DENR: variants seen among roughly 807,000 people sequenced by gnomAD.
The protein encoded by DENR is density regulated re-initiation and release factor, also known as density-regulated protein.
DENR carries 6 observed loss-of-function variants against 30.6 expected under a neutral mutation model. The ratio of observed to expected loss-of-function variants is 0.20; its 90% confidence interval spans 0.11 to 0.39. The LOEUF (loss-of-function observed/expected upper bound fraction) is 0.39. Ranked by LOEUF, DENR falls within the 10% of genes least tolerant of loss-of-function variation. The pLI, the probability that DENR is intolerant of heterozygous loss-of-function variation, is 1.00. For missense variants in DENR, 141 were observed against 230.9 expected, an observed-to-expected ratio of 0.61 and a Z score of 2.52; for synonymous variants, 78 against 72.1, an observed-to-expected ratio of 1.08 and a Z score of -0.41.
At chr12:122,753,843 C>A in intron 2 of DENR, 36 bp downstream of exon 2, 1 of 1,494,286 alleles carries the variant, frequency 6.7e-7, no homozygotes, top group Non-Finnish European at 9.3e-7. Flanking sequence ...CTTTTACTCA[C>A]TATACTTTTA....
At position 122,752,904 on chromosome 12, in the gene DENR, G is replaced by A. The variant is rs1391168670; in HGVS notation, c.-56G>A. The A allele has an allele frequency of 1.3e-5, 2 of 152,556 alleles. No homozygotes were observed. Among genetic ancestry groups the A allele is most frequent in the Admixed American group, 6.5e-5 (1 of 15,300 alleles). 9.5% of individuals were successfully genotyped at this position (152,556 alleles called of 1,614,324 possible). A position where few individuals can be genotyped will look rare whatever the true frequency, so the allele number is the denominator to read the frequency against. On this transcript the variant is annotated 5_prime_UTR_variant, in exon 1 of 8. It introduces an in-frame stop codon into an upstream open reading frame of the 5' UTR. Coordinates refer to ENST00000280557, the MANE Select transcript of DENR (RefSeq NM_003677.5). ...CGAGTTGCATGTGTTGGTTCAGCTG[G>A]CGATAGCGGCGGGAGCGGAGCCGGC...
At chr12:122,757,570 A>AT (rs1238172332) in intron 2 of DENR, among the ~76,000 whole-genome samples, 27 of 152,230 alleles carry the variant, frequency 1.8e-4, no homozygotes, top group African/African-American at 6.0e-4. Context: ...TCTCAATTGT[A>AT]TAAGTGGTGG....
intron 5 of DENR, among the ~76,000 whole-genome samples, chr12:122,766,154 T>C (rs1484741887): frequency 6.6e-6 from 1 of 152,158 alleles, no homozygotes; most frequent in Non-Finnish European, 1.5e-5. Flanking sequence ...CTATCCCCGC[T>C]TCTGTTCTGT....
chr12:122,756,375 G>A (rs1263779273), intron 2 of DENR, among the ~76,000 whole-genome samples: 2 of 152,184 alleles, frequency 1.3e-5, no homozygotes, highest in Admixed American at 1.3e-4. Flanking sequence ...CTTAAACCTG[G>A]GAGGCGGAGA....
chr12:122,758,316 C>T (rs1384246389), intron 2 of DENR, among the ~76,000 whole-genome samples: 6 of 152,132 alleles, frequency 3.9e-5, no homozygotes, highest in African/African-American at 1.4e-4. Context: ...GTGATCCACC[C>T]GCCTCGGCCT....
intron 2 of DENR, among the ~76,000 whole-genome samples, chr12:122,758,856 T>A (rs1273665874): frequency 8.4e-5 from 12 of 142,390 alleles, no homozygotes; most frequent in Middle Eastern, 3.5e-3. Flanking sequence ...ATTTATTTAT[T>A]TTTTTTTTGA....
At chr12:122,760,156 G>T (rs1308471632) in intron 2 of DENR, among the ~76,000 whole-genome samples, 1 of 152,198 alleles carries the variant, frequency 6.6e-6, no homozygotes, top group Admixed American at 6.5e-5. Flanking sequence ...GTGGTTAATA[G>T]CATGAGCGTC....
chr12:122,753,655 C>T (rs1337791109), intron 1 of DENR, 38 bp from the exon 2 acceptor site: 2 of 1,519,504 alleles, frequency 1.3e-6, no homozygotes, highest in East Asian at 4.5e-5. Context: ...GGTCTTGATT[C>T]TAAAATAGTG....
intron 4 of DENR, among the ~76,000 whole-genome samples, chr12:122,764,384 G>C (rs904245593): frequency 1.3e-5 from 2 of 152,144 alleles, no homozygotes; most frequent in African/African-American, 4.8e-5. Context: ...CGGATCACAA[G>C]GTCAGGAGAT....
At chr12:122,764,185 G>A (rs1242822856) in intron 4 of DENR, among the ~76,000 whole-genome samples, 1 of 152,152 alleles carries the variant, frequency 6.6e-6, no homozygotes, top group Non-Finnish European at 1.5e-5. Flanking sequence ...CAACGGGTAG[G>A]GCATTGTGGG....
rs1879012234 is a variant in DENR, at chr12:122,770,648, G to T, written c.*1570G>T. 1 of 398,392 alleles carries T rather than the reference G, an allele frequency of 2.5e-6. No individual in the cohort carries two copies. The highest frequency in any genetic ancestry group is 2.1e-5 in the African/African-American group (1 of 48,608). The allele number at this position is 398,392 out of a possible 1,614,324, so 24.7% of individuals were successfully genotyped here. A position where few individuals can be genotyped will look rare whatever the true frequency, so the allele number is the denominator to read the frequency against. On this transcript the variant is annotated 3_prime_UTR_variant, in exon 8 of 8. Coordinates refer to ENST00000280557, the MANE Select transcript of DENR (RefSeq NM_003677.5). Reference sequence around the variant, plus strand: ...ACTTTAAGTCAGGTGCTGCAAATTGGAAAGAAGACTTGTGGTGTTTTAAGT... The same window carrying T: ...ACTTTAAGTCAGGTGCTGCAAATTGTAAAGAAGACTTGTGGTGTTTTAAGT...
At chr12:122,764,360 G>T (rs2135511600) in intron 4 of DENR, among the ~76,000 whole-genome samples, 1 of 152,298 alleles carries the variant, frequency 6.6e-6, no homozygotes, top group Middle Eastern at 3.4e-3. Flanking sequence ...AGCACTTTGG[G>T]AGGCCGAGGC....
intron 6 of DENR, among the ~76,000 whole-genome samples, chr12:122,767,892 GCTC>G (rs1276179985): frequency 1.3e-5 from 2 of 152,170 alleles, no homozygotes; most frequent in African/African-American, 4.8e-5. Flanking sequence ...AGCCAATGCT[GCTC>G]CTCTGTCCTC....
Position 122,769,182 on chromosome 12 carries a change from A to ATATACACATATATGTATG in DENR, c.*117_*134dup, listed in dbSNP as rs1306406110. 1 of 1,076,388 alleles carries ATATACACATATATGTATG rather than the reference A, an allele frequency of 9.3e-7. No individual in the cohort carries two copies. Among genetic ancestry groups the ATATACACATATATGTATG allele is most frequent in the African/African-American group, 1.7e-5 (1 of 59,962 alleles). The allele number at this position is 1,076,388 out of a possible 1,614,324, so 66.7% of individuals were successfully genotyped here. A position where few individuals can be genotyped will look rare whatever the true frequency, so the allele number is the denominator to read the frequency against. ...TATATATATACACATATATATGTAT[A>ATATACACATATATGTATG]TATACACATATATGTATGTATACAC... is the stretch of plus-strand genomic sequence containing the variant. On this transcript the variant is annotated 3_prime_UTR_variant, in exon 8 of 8. Coordinates refer to ENST00000280557, the MANE Select transcript of DENR (RefSeq NM_003677.5).
rs1219156064 is a variant in DENR at position 122,769,192 on chromosome 12, ATATG to A, written c.*122_*125del. On this transcript the variant is annotated 3_prime_UTR_variant, in exon 8 of 8. Transcript: ENST00000280557. ...CACATATATATGTATATATACACAT[ATATG>A]TATGTATACACATATACACATGTAT... 1.4e-5 allele frequency: 14 copies of A among 1,010,228 alleles called. No homozygotes were observed. Among genetic ancestry groups the A allele is most frequent in the African/African-American group, 3.5e-5 (2 of 57,772 alleles). The allele number at this position is 1,010,228 out of a possible 1,614,324, so 62.6% of individuals were successfully genotyped here.
At chr12:122,753,606 G>A (rs1379983863) in intron 1 of DENR, 87 bp from the exon 2 acceptor site, 5 of 965,510 alleles carry the variant, frequency 5.2e-6, no homozygotes, top group South Asian at 4.1e-5. Flanking sequence ...CAGCTTTGGG[G>A]TGGGGAGGTT....
chr12:122,768,845 CAG>C lies in DENR; in HGVS notation c.477_478del (p.Glu161GlyfsTer2), dbSNP rs756006608. 6 of 1,610,404 alleles carry C rather than the reference CAG, an allele frequency of 3.7e-6. No homozygotes were observed. The highest frequency in any genetic ancestry group is 2.7e-5 in the African/African-American group (2 of 74,888). ...AAATTCTCCTGTGGTGCCTCAGTAA[CAG>C]GGGAGGATGAAATTATCATTCAGGG... On this transcript the variant is annotated frameshift_variant, in exon 7 of 8. Transcript: ENST00000280557. LOFTEE classifies it high-confidence loss of function.
intron 5 of DENR, 83 bp from the exon 6 acceptor site, chr12:122,767,405 C>A: frequency 1.1e-6 from 1 of 880,736 alleles, no homozygotes; most frequent in Non-Finnish European, 1.7e-6. Flanking sequence ...GAAACTTAAA[C>A]CTTTTGAGAA....
intron 2 of DENR, among the ~76,000 whole-genome samples, chr12:122,756,957 ATAAAT>A: frequency 6.6e-6 from 1 of 152,298 alleles, no homozygotes; most frequent in South Asian, 2.1e-4. Flanking sequence ...AGGTTGAAAA[ATAAAT>A]TATGGTAGGA....
Sources: allele counts gnomAD v4.1 joint callset (sites outside exome capture counted in the v4.1 genomes callset), GRCh38; gene constraint gnomAD v4.1.1; transcripts MANE v1.5; gene names NCBI Gene and HGNC (gene_info 2026-07-23, HGNC 2026-07-21).